Variants in STK3 observed in about 807,000 individuals in gnomAD.
The protein encoded by STK3 is serine/threonine kinase 3.
STK3 carries 41 observed loss-of-function variants against 58.0 expected under a neutral mutation model. The observed-to-expected ratio is 0.71, with a 90% CI of 0.55 to 0.92. The LOEUF is 0.92. Ranked by LOEUF, STK3 falls within the 40% of genes least tolerant of loss-of-function variation. STK3 has a pLI of 0.00. For missense variants in STK3, 479 were observed against 602.7 expected, an observed-to-expected ratio of 0.79 and a Z score of 2.15; for synonymous variants, 170 against 191.0, an observed-to-expected ratio of 0.89 and a Z score of 0.91.
chr8:98,784,830 A>AG (rs1438301520), intron 1 of STK3, among the ~76,000 whole-genome samples: 5 of 152,116 alleles, frequency 3.3e-5, no homozygotes, highest in Admixed American at 2.0e-4. Context: ...GATTCTGTGC[A>AG]GGGGGGCCCT....
intron 7 of STK3, among the ~76,000 whole-genome samples, chr8:98,587,751 CTA>C (rs1563772593): frequency 1.6e-4 from 25 of 152,078 alleles, no homozygotes; most frequent in Non-Finnish European, 3.7e-4. Context: ...TTGTAGGTCT[CTA>C]AGGACTTGCT....
At chr8:98,634,431 C>T (rs953149280) in intron 6 of STK3, among the ~76,000 whole-genome samples, 2 of 151,614 alleles carry the variant, frequency 1.3e-5, no homozygotes, top group Admixed American at 6.6e-5. Context: ...ACCCAGGAAG[C>T]GGAGGTTCCA....
chr8:98,870,984 T>G (rs780004455), intron 3 of STK3, among the ~76,000 whole-genome samples: 1 of 152,230 alleles, frequency 6.6e-6, no homozygotes, highest in Non-Finnish European at 1.5e-5. Flanking sequence ...AGGTCTAACA[T>G]TTAAGTCTTT....
intron 10 of STK3, among the ~76,000 whole-genome samples, chr8:98,460,437 G>T (rs9642951): frequency 0.41 from 62,352 of 151,978 alleles, 13,018 homozygotes; most frequent in Admixed American, 0.53. Context: ...TTAGACTTTG[G>T]ACTTGGACTT....
At chr8:98,506,230 G>A (rs1563678563) in intron 10 of STK3, among the ~76,000 whole-genome samples, 1 of 152,244 alleles carries the variant, frequency 6.6e-6, no homozygotes, top group South Asian at 2.1e-4. Context: ...ATCTCCTGGT[G>A]TGCCTTCTGC....
At chr8:98,377,908 G>A (rs1257445438) in intron 2 of STK3, among the ~76,000 whole-genome samples, 3 of 152,160 alleles carry the variant, frequency 2.0e-5, no homozygotes, top group Non-Finnish European at 2.9e-5. Context: ...TAAGGTTGAA[G>A]CTCCACTGCT....
chr8:98,442,179 T>C (rs1333584403), intron 1 of STK3, among the ~76,000 whole-genome samples: 1 of 152,164 alleles, frequency 6.6e-6, no homozygotes, highest in Non-Finnish European at 1.5e-5. Flanking sequence ...GGATCTGCCC[T>C]CTCTTCTCTA....
In STK3 at chr8:98,706,478, G is replaced by A; in HGVS notation, c.673C>T (p.His225Tyr). ...AEGKPPYADI[H>Y]PMRAIFMIPT... is the part of the protein sequence containing the mutation. The stretch of plus-strand genomic sequence containing the variant: ...CATAATTTTCTTACCCTCATTGGAT[G>A]TATATCAGCATAAGGAGGTTTTCCT... The change falls in exon 6 of 11, where the codon CAT becomes TAT. Residue 225 changes from histidine to tyrosine, a missense_variant. Physicochemically the swap from His to Tyr is moderately conservative, Grantham distance 83. Around this residue, in one of 3 missense-constraint regions of STK3, gnomAD observed 309 missense variants for 355.7 expected, o/e 0.87. Transcript: ENST00000419617. The A allele has an allele frequency of 6.2e-7, 1 of 1,611,246 alleles. No individual in the cohort carries two copies. Among genetic ancestry groups the A allele is most frequent in the Non-Finnish European group, 8.5e-7 (1 of 1,179,036 alleles).
At chr8:98,886,934 C>T (rs1041428693) in intron 1 of STK3, among the ~76,000 whole-genome samples, 40 of 152,148 alleles carry the variant, frequency 2.6e-4, no homozygotes, top group Admixed American at 2.1e-3. Context: ...CCCATCTCTA[C>T]TAAAAATACA....
At chr8:98,404,679 C>CAAAAAAA (rs35146514) in intron 3 of STK3, among the ~76,000 whole-genome samples, 2 of 95,282 alleles carry the variant, frequency 2.1e-5, no homozygotes, top group African/African-American at 4.5e-5. Context: ...GTCTCTGTCT[C>CAAAAAAA]AAAAAAAAAA....
At chr8:98,824,368 A>T (rs190433737) in intron 1 of STK3, among the ~76,000 whole-genome samples, 218 of 152,326 alleles carry the variant, frequency 1.4e-3, no homozygotes, top group Non-Finnish European at 1.0e-3. Flanking sequence ...CAGTACAGCT[A>T]ATCAATAGAG....
chr8:98,711,094 C>T (rs1178914460), intron 4 of STK3, among the ~76,000 whole-genome samples: 1 of 152,280 alleles, frequency 6.6e-6, no homozygotes, highest in Non-Finnish European at 1.5e-5. Context: ...AGAAGGAAAA[C>T]TAACAAACAG....
chr8:98,579,832 C>A, intron 7 of STK3, 43 bp from the exon 8 acceptor site: 1 of 1,513,166 alleles, frequency 6.6e-7, no homozygotes, highest in Non-Finnish European at 8.8e-7. Flanking sequence ...AAAGATTTTT[C>A]CGAATTATAG....
chr8:98,421,309 C>T (rs1235244396), intron 3 of STK3, among the ~76,000 whole-genome samples: 1 of 152,196 alleles, frequency 6.6e-6, no homozygotes, highest in Non-Finnish European at 1.5e-5. Context: ...TCAACTTCTG[C>T]ACAGTGGTCT....
At chr8:98,539,896 G>T (rs1450627145) in intron 9 of STK3, among the ~76,000 whole-genome samples, 1 of 152,164 alleles carries the variant, frequency 6.6e-6, no homozygotes, top group Non-Finnish European at 1.5e-5. Flanking sequence ...TGGGATTACA[G>T]GTGCATGCCA....
chr8:98,637,284 A>C (rs1013589695), intron 6 of STK3, among the ~76,000 whole-genome samples: 4 of 152,156 alleles, frequency 2.6e-5, no homozygotes, highest in African/African-American at 9.7e-5. Flanking sequence ...TATAAGACCA[A>C]AACTATGCAA....
intron 9 of STK3, among the ~76,000 whole-genome samples, chr8:98,545,435 T>C (rs1026219571): frequency 1.3e-5 from 2 of 152,216 alleles, no homozygotes; most frequent in Non-Finnish European, 2.9e-5. Context: ...AAGTTATTCT[T>C]GGGACATGCC....
intron 2 of STK3, among the ~76,000 whole-genome samples, chr8:98,377,652 T>C (rs1563587578): frequency 6.6e-6 from 1 of 152,082 alleles, no homozygotes; most frequent in Non-Finnish European, 1.5e-5. Flanking sequence ...GAAAAAGTAA[T>C]TTGGGGCACT....
downstream of STK3, among the ~76,000 whole-genome samples, chr8:98,371,140 A>G (rs1352933758): frequency 1.3e-5 from 2 of 152,202 alleles, no homozygotes; most frequent in African/African-American, 4.8e-5. Context: ...CTGCAGGACA[A>G]GACTTGATCT....
Sources: allele counts gnomAD v4.1 joint callset (sites outside exome capture counted in the v4.1 genomes callset), GRCh38; gene constraint gnomAD v4.1.1; regional missense constraint gnomAD v4.1.1; transcripts MANE v1.5; gene names NCBI Gene and HGNC (gene_info 2026-07-23, HGNC 2026-07-21).